Variants in ODF2 observed in about 807,000 individuals in gnomAD.
The protein encoded by ODF2 is outer dense fiber of sperm tails 2.
ODF2 carries 47 observed loss-of-function variants against 110.2 expected under a neutral mutation model. That is an observed-to-expected ratio of 0.43 (90% CI 0.34 to 0.54). ODF2 has a LOEUF of 0.54. Ranked by LOEUF, ODF2 falls within the 20% of genes least tolerant of loss-of-function variation. The probability of loss-of-function intolerance (pLI) is 0.03; values close to 1 mark genes in which losing one functional copy is unlikely to be tolerated. For synonymous variants in ODF2, 352 were observed against 397.7 expected (o/e 0.89, Z 1.37); for missense variants, 812 against 1,054.5 (o/e 0.77, Z 3.19).
At chr9:128,456,075 G>T, upstream of ODF2, 1 of 1,524,238 alleles carries the variant, frequency 6.6e-7, no homozygotes, top group Non-Finnish European at 8.8e-7. Context: ...GGCTCCCGGG[G>T]GGGTTTGAAC....
intron 7 of ODF2, 184 bp from the exon 8 acceptor site, chr9:128,473,426 C>T: frequency 3.0e-6 from 2 of 674,562 alleles, no homozygotes; most frequent in Non-Finnish European, 3.7e-6. Context: ...TCGGAGCAGA[C>T]TTAGCTCCTG....
rs200240685 is a variant in ODF2 at position 128,460,931 on chromosome 9, C to T, written c.124-11C>T. The T allele has an allele frequency of 2.4e-4, 380 of 1,614,178 alleles. No individual in the cohort carries two copies. Among genetic ancestry groups the T allele is most frequent in the Admixed American group, 4.2e-4 (25 of 60,022 alleles). On this transcript the variant is annotated splice_polypyrimidine_tract_variant and intron_variant, in intron 3 of 20. Coordinates refer to ENST00000604420, the Ensembl canonical transcript of ODF2. ...GTGTGGAAGTGACCCTGGGTTTGTC[C>T]CTTTCCACAGAAATCTCACAAGCGA...
chr9:128,490,535 A>G (rs1844328940), intron 14 of ODF2, among the ~76,000 whole-genome samples: 1 of 152,068 alleles, frequency 6.6e-6, no homozygotes. Context: ...TCAACCTGCC[A>G]TGGCTTCCCA....
chr9:128,456,510 C>G, intron 1 of ODF2: 1 of 1,526,314 alleles, frequency 6.6e-7, no homozygotes, highest in Non-Finnish European at 8.8e-7. Context: ...TGCCCCTCCT[C>G]TGCCGCCCGC....
At chr9:128,489,665 T>C (rs920122835) in intron 14 of ODF2, among the ~76,000 whole-genome samples, 15 of 152,216 alleles carry the variant, frequency 9.9e-5, no homozygotes, top group Non-Finnish European at 1.6e-4. Flanking sequence ...GTTTCCATAG[T>C]GTTGCTGTGA....
At chr9:128,478,534 G>T (rs1466727607) in intron 8 of ODF2, among the ~76,000 whole-genome samples, 1 of 150,682 alleles carries the variant, frequency 6.6e-6, no homozygotes, top group Admixed American at 6.6e-5. Context: ...GGAGGCAGAG[G>T]TTACAGTGAG....
intron 1 of ODF2, chr9:128,456,494 G>A (rs1229212809): frequency 1.3e-6 from 2 of 1,526,050 alleles, no homozygotes; most frequent in Admixed American, 2.0e-5. Context: ...GGCTACCACG[G>A]GGCTCTGCCC....
intron 4 of ODF2, among the ~76,000 whole-genome samples, chr9:128,466,619 C>T (rs1258734592): frequency 2.7e-5 from 4 of 150,594 alleles, no homozygotes; most frequent in African/African-American, 9.8e-5. Flanking sequence ...CTCCCCATCA[C>T]AAGGAGTAAG....
chr9:128,455,884 C>T (rs1834653467), upstream of ODF2: 5 of 1,182,736 alleles, frequency 4.2e-6, no homozygotes, highest in Non-Finnish European at 5.6e-6. Context: ...GGATCCAAGG[C>T]AGGGGAAACA....
chr9:128,470,378 CCT>C (rs1020928335), intron 5 of ODF2, among the ~76,000 whole-genome samples: 2 of 151,882 alleles, frequency 1.3e-5, no homozygotes, highest in Non-Finnish European at 2.9e-5. Flanking sequence ...TGCCTATAAT[CCT>C]AGCACTTTGG....
chr9:128,483,817 TGGA>T, intron 10 of ODF2, 118 bp from the exon 11 acceptor site: 1 of 735,596 alleles, frequency 1.4e-6, no homozygotes, highest in Non-Finnish European at 2.5e-6. Flanking sequence ...GCCCAAGAGG[TGGA>T]GGTTGCAGTG....
intron 8 of ODF2, among the ~76,000 whole-genome samples, chr9:128,478,925 C>T (rs1841890167): frequency 6.6e-6 from 1 of 152,096 alleles, no homozygotes; most frequent in Non-Finnish European, 1.5e-5. Flanking sequence ...TTCTCCCAGC[C>T]TTAGTCTCCT....
chr9:128,458,571 C>T (rs1378915390), intron 2 of ODF2, among the ~76,000 whole-genome samples: 3 of 147,502 alleles, frequency 2.0e-5, no homozygotes, highest in Admixed American at 6.8e-5. Context: ...AGCAAATAGA[C>T]TTTTGCTCTC....
intron 13 of ODF2, among the ~76,000 whole-genome samples, chr9:128,487,439 A>G (rs1428662577): frequency 1.3e-5 from 2 of 152,080 alleles, no homozygotes; most frequent in Non-Finnish European, 2.9e-5. Flanking sequence ...CAGGCAGTAT[A>G]TTGAGTGATG....
chr9:128,472,977 A>G, exon 7 of ODF2: 1 of 1,614,148 alleles, frequency 6.2e-7, no homozygotes, highest in East Asian at 2.2e-5. Context: ...GGAGGCGGAA[A>G]TGGATGGGGC....
chr9:128,456,678 C>A, intron 1 of ODF2: 1 of 1,431,342 alleles, frequency 7.0e-7, no homozygotes, highest in Non-Finnish European at 9.1e-7. Context: ...CGGGCCTCCA[C>A]ATGGCAGTCA....
intron 4 of ODF2, among the ~76,000 whole-genome samples, chr9:128,465,833 C>A (rs1837711056): frequency 6.6e-6 from 1 of 151,770 alleles, no homozygotes; most frequent in African/African-American, 2.4e-5. Context: ...TATTAAGTTT[C>A]AAAATTTCTT....
chr9:128,479,701 G>A (rs886997671), intron 8 of ODF2, among the ~76,000 whole-genome samples: 1 of 152,150 alleles, frequency 6.6e-6, no homozygotes, highest in Non-Finnish European at 1.5e-5. Context: ...CAAAACATGG[G>A]AACAGCCTCA....
intron 20 of ODF2, 48 bp from the exon 21 acceptor site, chr9:128,500,019 T>C (rs370220037): frequency 6.4e-5 from 102 of 1,604,602 alleles, no homozygotes; most frequent in Non-Finnish European, 8.3e-5. Context: ...TATGGATTTC[T>C]ATTTTGGACA....
Sources: gnomAD v4.1 joint callset for allele counts (sites outside exome capture counted in the v4.1 genomes callset) on GRCh38, gnomAD v4.1.1 for gene constraint, MANE v1.5 for transcripts, NCBI Gene and HGNC (gene_info 2026-07-23, HGNC 2026-07-21) for gene names.